C4orf50: variants seen among roughly 807,000 people sequenced by gnomAD.
C4orf50 encodes the protein uncharacterized protein C4orf50.
A neutral mutation model predicts 77.2 loss-of-function variants in C4orf50; 80 were observed. That is an observed-to-expected ratio of 1.04 (90% CI 0.87 to 1.25). The LOEUF (loss-of-function observed/expected upper bound fraction) is 1.25, where lower values mean the gene tolerates loss of function less well. C4orf50 is among the 50% of genes most tolerant of loss of function. The pLI is 0.00. For missense variants in C4orf50, 1,257 were observed against 1,152.9 expected, an observed-to-expected ratio of 1.09 and a Z score of -1.31; for synonymous variants, 532 against 465.3, an observed-to-expected ratio of 1.14 and a Z score of -1.84.
intron 28 of C4orf50, among the ~76,000 whole-genome samples, chr4:5,981,207 C>G (rs78155015): frequency 0.018 from 2,783 of 152,070 alleles, 51 homozygotes; most frequent in African/African-American, 0.046. Flanking sequence ...TTCCATATTA[C>G]CAAATAATGT....
intron 28 of C4orf50, among the ~76,000 whole-genome samples, chr4:5,984,521 C>T (rs973574808): frequency 1.3e-5 from 2 of 152,100 alleles, no homozygotes; most frequent in African/African-American, 4.8e-5. Context: ...GAACCAGAAT[C>T]TCTTTTTAAA....
chr4:5,964,535 C>T (rs567383189), intron 33 of C4orf50, among the ~76,000 whole-genome samples: 77 of 151,982 alleles, frequency 5.1e-4, no homozygotes, highest in Middle Eastern at 3.4e-3. Flanking sequence ...TTTGGGAGGT[C>T]GAGGTGGGTG....
At chr4:5,960,828 G>T (rs995814132) in intron 33 of C4orf50, among the ~76,000 whole-genome samples, 5 of 152,178 alleles carry the variant, frequency 3.3e-5, no homozygotes, top group Non-Finnish European at 7.3e-5. Context: ...ACTAATGTGC[G>T]CATCAGGAGT....
At chr4:5,975,139 CAAAAAAAAAAAAAA>C (rs763836859) in intron 30 of C4orf50, among the ~76,000 whole-genome samples, 32,620 of 83,462 alleles carry the variant, frequency 0.39, 4,536 homozygotes, top group South Asian at 0.48. Flanking sequence ...CACTCCATCT[CAAAAAAAAAAAAAA>C]AAAAAAAAAA....
chr4:5,976,090 A>G (rs1221082223), intron 29 of C4orf50, 135 bp from the exon 8 acceptor site: 1 of 677,872 alleles, frequency 1.5e-6, no homozygotes, highest in African/African-American at 1.8e-5. Flanking sequence ...AGTGCCAGGA[A>G]CAGGGGCCTT....
At chr4:5,940,701 C>G (rs766623162) in intron 7 of C4orf50, among the ~76,000 whole-genome samples, 1 of 152,176 alleles carries the variant, frequency 6.6e-6, no homozygotes, top group African/African-American at 2.4e-5. Flanking sequence ...TTCTCCACAC[C>G]CTGGACTGGC....
chr4:5,994,472 G>A, exon 26 of C4orf50: 1 of 399,244 alleles, frequency 2.5e-6, no homozygotes, highest in East Asian at 3.6e-5. Context: ...ACAGCCCAGA[G>A]CATCCTGGAG....
chr4:5,903,107 G>A (rs1716409891), intron 7 of C4orf50: 1 of 152,200 alleles, frequency 6.6e-6, no homozygotes, highest in Non-Finnish European at 1.5e-5. Context: ...TCAGTGAGTG[G>A]AGGAGAAAGG....
rs533643830 is a variant in C4orf50, at chr4:6,015,704, C to G, written c.287+2441G>C. ...GTCGAGCTGTCAGTGGAGCCAAGCC[C>G]TCTCCGAGGCTGAAGGGGAAATCCA... On this transcript the variant is annotated intron_variant, in intron 23 of 33. Transcript: ENST00000531445. This position sits in a 1 kb window ranked among gnomAD's most constrained non-coding sequence, Gnocchi z 4.4. Among the ~76,000 whole-genome samples the G allele has an allele frequency of 6.6e-6, 1 of 152,112 alleles. No homozygotes were observed. The highest frequency in any genetic ancestry group is 2.1e-4 in the South Asian group (1 of 4,814).
intron 7 of C4orf50, among the ~76,000 whole-genome samples, chr4:5,910,835 T>G (rs538541268): frequency 6.6e-6 from 1 of 152,042 alleles, no homozygotes; most frequent in Non-Finnish European, 1.5e-5. Flanking sequence ...CTATTGAATT[T>G]GAAAGTAGCA....
intron 25 of C4orf50, among the ~76,000 whole-genome samples, chr4:5,999,219 A>G (rs550386281): frequency 3.9e-5 from 6 of 152,294 alleles, no homozygotes; most frequent in Admixed American, 2.6e-4. Flanking sequence ...AGCACATCAG[A>G]CATAGCCAAG....
At chr4:5,945,889 C>A (rs1241748219) in intron 7 of C4orf50, among the ~76,000 whole-genome samples, 2 of 152,184 alleles carry the variant, frequency 1.3e-5, no homozygotes, top group Non-Finnish European at 2.9e-5. Context: ...TCTCTGGCCC[C>A]AGGAGGCTGA....
chr4:5,965,274 C>CG (rs11415729), intron 32 of C4orf50, 129 bp from the exon 11 acceptor site: 229,074 of 899,082 alleles, frequency 0.25, 33,205 homozygotes, highest in Admixed American at 0.34. Flanking sequence ...TTCCATGCCC[C>CG]GGGGCAGAGG....
rs780316235 is a variant in C4orf50, at chr4:5,931,323, CAGTT to C, written c.*2474+25574_*2474+25577del. 1.4e-4 allele frequency among the ~76,000 whole-genome samples: 21 copies of C among 152,270 alleles called. No homozygotes were observed. In the East Asian group the frequency reaches 4.1e-3, roughly 29 times the overall value. On this transcript the variant is annotated intron_variant, in intron 7 of 7. Coordinates refer to the C4orf50 transcript ENST00000324058. ...AGTGCAAGGGACACCTAGTAAGTAT[CAGTT>C]AGGGAATCTAGGAGTGGTGTTGGTT...
chr4:6,009,661 A>T lies in C4orf50; in HGVS notation c.427-1129T>A, dbSNP rs528940387. On this transcript the variant is annotated intron_variant, in intron 24 of 33. Transcript: ENST00000531445. This position sits in a 1 kb window ranked among gnomAD's most constrained non-coding sequence, Gnocchi z 5.6. ...ACAGAAACGAGGCATCTTCATATGC[A>T]AATGCTTACTGGAAACATTGGCAGC... Among the ~76,000 whole-genome samples, 51 of 152,360 alleles carry T rather than the reference A, an allele frequency of 3.3e-4. No homozygotes were observed. The highest frequency in any genetic ancestry group is 1.2e-3 in the African/African-American group (51 of 41,596).
In C4orf50 at chr4:6,008,268, G is replaced by A. The variant is rs1722334161; in HGVS notation, c.691C>T (p.Gln231Ter). The change falls in exon 25 of 34, where the codon CAG becomes TAG. Residue 231 changes from glutamine to a stop codon, truncating the protein, a stop_gained. Coordinates refer to ENST00000531445, the Ensembl canonical transcript of C4orf50. LOFTEE classifies it high-confidence loss of function. The surrounding 1 kb of genome is among the most constrained non-coding windows in gnomAD (Gnocchi z 6.0). The stretch of plus-strand genomic sequence containing the variant: ...TCCGCAGCCGCCTCGGTGGCGCCCT[G>A]GGAGCCTGGGGCCGCGGTGTCCCAC... 2.5e-6 allele frequency: 1 copy of A among 392,520 alleles called. No homozygotes were observed. The highest frequency in any genetic ancestry group is 4.4e-5 in the Admixed American group (1 of 22,488). The allele number at this position is 392,520 out of a possible 1,614,324, so 24.3% of individuals were successfully genotyped here.
At chr4:5,979,015 A>G (rs973202390) in intron 29 of C4orf50, among the ~76,000 whole-genome samples, 3 of 152,238 alleles carry the variant, frequency 2.0e-5, no homozygotes, top group Admixed American at 1.3e-4. Flanking sequence ...TGTATTTTTC[A>G]TCCATTGACT....
chr4:5,912,427 C>A (rs59176970), intron 7 of C4orf50, among the ~76,000 whole-genome samples: 2,432 of 152,126 alleles, frequency 0.016, 47 homozygotes, highest in African/African-American at 0.054. Flanking sequence ...GCAGATAGGC[C>A]TTTATGAAGA....
Position 5,989,572 on chromosome 4 carries a change from CT to C in C4orf50, c.2473del (p.Arg825GlyfsTer98). The C allele has an allele frequency of 6.5e-7, 1 of 1,536,160 alleles. No homozygotes were observed. The highest frequency in any genetic ancestry group is 1.2e-5 in the South Asian group (1 of 84,064). Reference sequence around the variant, plus strand: ...TGCAGAGGCTGAGCACTGCCAGCCCCTGCTGCCCGGCTGCAGGGTGGACAGC... The same window carrying C: ...TGCAGAGGCTGAGCACTGCCAGCCCCGCTGCCCGGCTGCAGGGTGGACAGC... On this transcript the variant is annotated frameshift_variant, in exon 28 of 34. Transcript: ENST00000531445. LOFTEE classifies it high-confidence loss of function.
Sources: gnomAD v4.1 joint callset for allele counts (sites outside exome capture counted in the v4.1 genomes callset) on GRCh38, gnomAD v4.1.1 for gene constraint, Gnocchi (gnomAD v3.1) non-coding constraint, MANE v1.5 for transcripts, NCBI Gene and HGNC (gene_info 2026-07-23, HGNC 2026-07-21) for gene names.